ATP2B2: variants seen among roughly 807,000 people sequenced by gnomAD.
ATP2B2 encodes ATPase plasma membrane Ca2+ transporting 2.
In ATP2B2, 15 loss-of-function variants were observed where a neutral mutation model predicts 120.0. The observed-to-expected ratio is 0.12, with a 90% confidence interval of 0.08 to 0.19. The LOEUF is 0.19. Ranked by LOEUF, ATP2B2 falls within the 10% of genes least tolerant of loss-of-function variation. ATP2B2 has a pLI of 1.00. For missense variants in ATP2B2, 1,045 were observed against 1,719.8 expected (o/e 0.61, Z 6.94); for synonymous variants, 694 against 700.3 (o/e 0.99, Z 0.14).
chr3:10,673,198 G>A (rs1054032483), intron 1 of ATP2B2, among the ~76,000 whole-genome samples: 12 of 151,976 alleles, frequency 7.9e-5, no homozygotes, highest in Non-Finnish European at 4.4e-5. Context: ...CAAATGCATC[G>A]GCTGCCTGAA....
At chr3:10,381,850 A>C (rs1332994319) in intron 8 of ATP2B2, among the ~76,000 whole-genome samples, 1 of 152,180 alleles carries the variant, frequency 6.6e-6, no homozygotes, top group African/African-American at 2.4e-5. Flanking sequence ...TGTGAAGTGC[A>C]TGGATTGGGA....
At chr3:10,360,931 C>T (rs1469005148) in intron 12 of ATP2B2, among the ~76,000 whole-genome samples, 1 of 152,152 alleles carries the variant, frequency 6.6e-6, no homozygotes, top group East Asian at 1.9e-4. Flanking sequence ...CCCCCGACTC[C>T]CTGGCCATGG....
rs757476163 is a variant in ATP2B2, at chr3:10,331,864, C to T, written c.3421-2739G>A. The T allele has an allele frequency of 2.6e-5, 26 of 985,058 alleles. No homozygotes were observed. The East Asian group carries it at 4.3e-4, about 16-fold the overall frequency. 61.0% of individuals were successfully genotyped at this position (985,058 alleles called of 1,614,324 possible). On this transcript the variant is annotated intron_variant, in intron 22 of 22. Coordinates refer to ENST00000360273, the MANE Select transcript of ATP2B2 (RefSeq NM_001001331.4). The stretch of plus-strand genomic sequence containing the variant: ...CCGTTGTCAGAGGGCTCTGAGAAAA[C>T]GCACAGGCCCTGGTCTGAGATGGGT...
chr3:10,545,751 C>A (rs923720213), intron 2 of ATP2B2, among the ~76,000 whole-genome samples: 5 of 152,044 alleles, frequency 3.3e-5, no homozygotes, highest in Non-Finnish European at 4.4e-5. Context: ...ATCATGGCAA[C>A]AATTTGGACA....
chr3:10,538,114 T>C (rs9817556), intron 2 of ATP2B2, among the ~76,000 whole-genome samples: 22,591 of 152,240 alleles, frequency 0.15, 2,312 homozygotes, highest in East Asian at 0.31. Context: ...GTTTGTATTG[T>C]CTTTGTCTGG....
intron 12 of ATP2B2, among the ~76,000 whole-genome samples, chr3:10,367,068 T>G (rs1012122191): frequency 3.3e-5 from 5 of 152,116 alleles, no homozygotes; most frequent in African/African-American, 1.2e-4. Flanking sequence ...GTGCCTGGGG[T>G]GGTTCTTCTG....
intron 1 of ATP2B2, among the ~76,000 whole-genome samples, chr3:10,452,148 G>A (rs1170623345): frequency 6.6e-6 from 1 of 152,262 alleles, no homozygotes; most frequent in Non-Finnish European, 1.5e-5. Context: ...GAAGTCACTT[G>A]CCCAAGGTCA....
At chr3:10,473,554 C>T (rs571961562) in intron 1 of ATP2B2, among the ~76,000 whole-genome samples, 37 of 152,286 alleles carry the variant, frequency 2.4e-4, no homozygotes, top group African/African-American at 8.9e-4. Context: ...ATCACTTGAA[C>T]CCAGGAGGCA....
At chr3:10,663,081 G>A (rs1269422738) in intron 1 of ATP2B2, among the ~76,000 whole-genome samples, 6 of 124,194 alleles carry the variant, frequency 4.8e-5, no homozygotes, top group East Asian at 2.8e-4. Flanking sequence ...ATCACACACC[G>A]GGGCCTGTTT....
At chr3:10,632,511 C>T (rs1453171485) in intron 1 of ATP2B2, among the ~76,000 whole-genome samples, 1 of 152,220 alleles carries the variant, frequency 6.6e-6, no homozygotes, top group Non-Finnish European at 1.5e-5. Flanking sequence ...ACACAGGGAT[C>T]CTGGCACACA....
upstream of ATP2B2, among the ~76,000 whole-genome samples, chr3:10,509,922 C>A (rs572172394): frequency 5.9e-5 from 9 of 152,294 alleles, no homozygotes; most frequent in East Asian, 1.7e-3. Context: ...TTTTCATCTG[C>A]AAAATGGGTA....
At chr3:10,523,738 T>C (rs2067031047) in intron 3 of ATP2B2, among the ~76,000 whole-genome samples, 1 of 151,932 alleles carries the variant, frequency 6.6e-6, no homozygotes, top group Admixed American at 6.6e-5. Flanking sequence ...ATCCTGGATG[T>C]GGCTGGTAGC....
chr3:10,585,048 C>A (rs2068474692), intron 2 of ATP2B2, among the ~76,000 whole-genome samples: 1 of 152,156 alleles, frequency 6.6e-6, no homozygotes, highest in African/African-American at 2.4e-5. Context: ...GTCCAAGCTG[C>A]CATCACCTCT....
chr3:10,470,400 C>A (rs370185505), intron 1 of ATP2B2, among the ~76,000 whole-genome samples: 3 of 152,100 alleles, frequency 2.0e-5, no homozygotes, highest in African/African-American at 7.2e-5. Context: ...GATCTGAACC[C>A]AGGCCAGTGT....
intron 2 of ATP2B2, among the ~76,000 whole-genome samples, chr3:10,439,250 C>A (rs1057347556): frequency 6.6e-6 from 1 of 152,200 alleles, no homozygotes; most frequent in African/African-American, 2.4e-5. Context: ...AATGTCTGAG[C>A]CTGGACAAGC....
chr3:10,513,729 G>C (rs1167280698), intron 3 of ATP2B2, among the ~76,000 whole-genome samples: 1 of 152,172 alleles, frequency 6.6e-6, no homozygotes, highest in Non-Finnish European at 1.5e-5. Context: ...TCGCGAATGT[G>C]CAGGGGGCTG....
intron 2 of ATP2B2, among the ~76,000 whole-genome samples, chr3:10,551,702 T>C (rs1044107979): frequency 6.6e-6 from 1 of 152,302 alleles, no homozygotes; most frequent in African/African-American, 2.4e-5. Context: ...AAGAACACAA[T>C]GTATCAATCA....
chr3:10,571,744 A>C (rs570688633), intron 2 of ATP2B2, among the ~76,000 whole-genome samples: 135 of 152,288 alleles, frequency 8.9e-4, no homozygotes, highest in African/African-American at 3.2e-3. Context: ...ATGACTCCTT[A>C]ACTGAAGGAA....
intron 5 of ATP2B2, among the ~76,000 whole-genome samples, chr3:10,397,655 T>C (rs2062083960): frequency 6.6e-6 from 1 of 151,968 alleles, no homozygotes; most frequent in African/African-American, 2.4e-5. Context: ...AGAGGCAGAT[T>C]GAAGGGAGCA....
Sources: allele counts gnomAD v4.1 joint callset (sites outside exome capture counted in the v4.1 genomes callset), GRCh38; gene constraint gnomAD v4.1.1; transcripts MANE v1.5; gene names NCBI Gene and HGNC (gene_info 2026-07-23, HGNC 2026-07-21).